CLSTN2: variants seen among roughly 807,000 people sequenced by gnomAD.
The protein encoded by CLSTN2 is calsyntenin-2.
A neutral mutation model predicts 101.2 loss-of-function variants in CLSTN2; 48 were observed. The ratio of observed to expected loss-of-function variants is 0.47; its 90% CI spans 0.38 to 0.60. CLSTN2 has a LOEUF of 0.60. Ranked by LOEUF, CLSTN2 falls within the 20% of genes least tolerant of loss-of-function variation. CLSTN2 has a pLI of 0.00. For synonymous variants in CLSTN2, 481 were observed against 463.6 expected (o/e 1.04, Z -0.48); for missense variants, 1,160 against 1,238.2 (o/e 0.94, Z 0.95).
Position 140,532,313 on chromosome 3 carries a change from C to T in CLSTN2, c.1345-11C>T. ...TCAATTTTAAATGTTGCTTCTCTTTCCTTTTCTTAGATTTGTGACAAAGAG... is the reference window on the plus strand; with the variant it reads ...TCAATTTTAAATGTTGCTTCTCTTTTCTTTTCTTAGATTTGTGACAAAGAG... On this transcript the variant is annotated splice_polypyrimidine_tract_variant and intron_variant, in intron 8 of 16. Transcript: ENST00000458420. 5 of 1,585,180 alleles carry T rather than the reference C, an allele frequency of 3.2e-6. No individual in the cohort carries two copies. The highest frequency in any genetic ancestry group is 2.7e-5 in the African/African-American group (2 of 74,210).
At chr3:140,140,901 C>T (rs1184684062) in intron 1 of CLSTN2, among the ~76,000 whole-genome samples, 1 of 152,172 alleles carries the variant, frequency 6.6e-6, no homozygotes, top group Non-Finnish European at 1.5e-5. Flanking sequence ...ACAAGCGACC[C>T]CTCCTTAACT....
intron 2 of CLSTN2, among the ~76,000 whole-genome samples, chr3:140,306,977 T>C (rs1451967076): frequency 1.3e-5 from 2 of 152,016 alleles, no homozygotes; most frequent in Non-Finnish European, 1.5e-5. Context: ...TTGTGGAAGG[T>C]ACCTGGTGGG....
At chr3:140,525,266 C>A (rs1935113769) in intron 8 of CLSTN2, among the ~76,000 whole-genome samples, 1 of 152,102 alleles carries the variant, frequency 6.6e-6, no homozygotes, top group Non-Finnish European at 1.5e-5. Context: ...GATGACATTA[C>A]AATCAATCCC....
intron 1 of CLSTN2, among the ~76,000 whole-genome samples, chr3:140,089,598 T>C (rs1372245814): frequency 1.3e-5 from 2 of 150,348 alleles, no homozygotes; most frequent in Non-Finnish European, 1.5e-5. Flanking sequence ...ATTTATTTAT[T>C]TATTTATTTA....
intron 5 of CLSTN2, among the ~76,000 whole-genome samples, chr3:140,427,347 G>T (rs973650003): frequency 6.6e-6 from 1 of 151,388 alleles, no homozygotes; most frequent in Non-Finnish European, 1.5e-5. Context: ...AGGAAGAGAA[G>T]GATAGGTCTG....
At chr3:140,099,464 C>T (rs2008929082) in intron 1 of CLSTN2, among the ~76,000 whole-genome samples, 1 of 152,078 alleles carries the variant, frequency 6.6e-6, no homozygotes, top group Non-Finnish European at 1.5e-5. Flanking sequence ...GAATTGAAGG[C>T]CAGCTTGGAT....
intron 1 of CLSTN2, among the ~76,000 whole-genome samples, chr3:140,042,104 C>A (rs767929368): frequency 3.9e-5 from 6 of 152,164 alleles, no homozygotes; most frequent in Non-Finnish European, 7.3e-5. Context: ...TAACCATCAC[C>A]AAAATTTTAG....
chr3:140,364,167 G>A (rs2087759684), intron 2 of CLSTN2, among the ~76,000 whole-genome samples: 1 of 152,098 alleles, frequency 6.6e-6, no homozygotes, highest in African/African-American at 2.4e-5. Flanking sequence ...CCAAGGAGTG[G>A]ACACAGTTAT....
At position 140,398,208 on chromosome 3, in the gene CLSTN2, A is replaced by T. The variant is rs941086803; in HGVS notation, c.233-5421A>T. ...TAGATCACACAAGTGCTTTTCCTAG[A>T]CACAAACCAGCATACTTTGCCATGC... On this transcript the variant is annotated intron_variant, in intron 2 of 16. Transcript: ENST00000458420. 2.6e-5 allele frequency among the ~76,000 whole-genome samples: 4 copies of T among 152,180 alleles called. No homozygotes were observed. The East Asian group carries it at 7.7e-4, about 29-fold the overall frequency.
intron 1 of CLSTN2, among the ~76,000 whole-genome samples, chr3:139,968,388 C>T (rs1458602429): frequency 6.6e-6 from 1 of 152,166 alleles, no homozygotes; most frequent in African/African-American, 2.4e-5. Context: ...CATGATGATC[C>T]TCATGGCTAC....
At chr3:140,313,362 C>T (rs2087193200) in intron 2 of CLSTN2, among the ~76,000 whole-genome samples, 1 of 152,176 alleles carries the variant, frequency 6.6e-6, no homozygotes, top group Admixed American at 6.5e-5. Context: ...AATCACCACA[C>T]AGCCGTGGTA....
chr3:140,423,334 T>C (rs972423954), intron 5 of CLSTN2, among the ~76,000 whole-genome samples: 1 of 152,196 alleles, frequency 6.6e-6, no homozygotes, highest in African/African-American at 2.4e-5. Context: ...CCATCTGCTA[T>C]TATGTCTCCA....
intron 12 of CLSTN2, 135 bp downstream of exon 12, chr3:140,558,992 T>C: frequency 1.5e-6 from 1 of 667,818 alleles, no homozygotes; most frequent in Non-Finnish European, 2.6e-6. Flanking sequence ...CGTAATGTAT[T>C]ATAGCAAAAC....
chr3:140,374,102 T>C (rs1447428229), intron 2 of CLSTN2, among the ~76,000 whole-genome samples: 1 of 152,216 alleles, frequency 6.6e-6, no homozygotes, highest in African/African-American at 2.4e-5. Context: ...CATGGCATCC[T>C]TCCTACACTT....
At chr3:140,344,502 C>T (rs954837284) in intron 2 of CLSTN2, among the ~76,000 whole-genome samples, 15 of 152,186 alleles carry the variant, frequency 9.9e-5, no homozygotes, top group Non-Finnish European at 1.9e-4. Context: ...CACACCCAGT[C>T]CCTTTTCTAT....
At chr3:140,269,642 CTG>C (rs2086723926) in intron 2 of CLSTN2, among the ~76,000 whole-genome samples, 1 of 152,202 alleles carries the variant, frequency 6.6e-6, no homozygotes, top group South Asian at 2.1e-4. Flanking sequence ...TGAGTGAACT[CTG>C]TGTGCATAGC....
chr3:140,152,245 G>A (rs1353352818), intron 1 of CLSTN2, among the ~76,000 whole-genome samples: 1 of 151,890 alleles, frequency 6.6e-6, no homozygotes, highest in Non-Finnish European at 1.5e-5. Context: ...TGTCTCTCTT[G>A]TCTCACACAC....
At chr3:140,227,124 G>A (rs934517423) in intron 2 of CLSTN2, among the ~76,000 whole-genome samples, 3 of 152,106 alleles carry the variant, frequency 2.0e-5, no homozygotes, top group African/African-American at 7.2e-5. Context: ...TAACTCAAAA[G>A]TCCACAGTCC....
At chr3:140,077,284 G>A (rs2008508102) in intron 1 of CLSTN2, among the ~76,000 whole-genome samples, 1 of 152,132 alleles carries the variant, frequency 6.6e-6, no homozygotes, top group Non-Finnish European at 1.5e-5. Context: ...TCCGCCAGTG[G>A]CTACCTCTTC....
Sources: gnomAD v4.1 joint callset for allele counts (sites outside exome capture counted in the v4.1 genomes callset) on GRCh38, gnomAD v4.1.1 for gene constraint, MANE v1.5 for transcripts, NCBI Gene and HGNC (gene_info 2026-07-23, HGNC 2026-07-21) for gene names.